NRG3: variants seen among roughly 807,000 people sequenced by gnomAD.
NRG3 encodes pro-neuregulin-3, membrane-bound isoform.
In NRG3, 31 loss-of-function variants were observed where a neutral mutation model predicts 66.9. The ratio of observed to expected loss-of-function variants is 0.46; its 90% CI spans 0.35 to 0.63. NRG3 has a LOEUF of 0.63. Ranked by LOEUF, NRG3 falls within the 20% of genes least tolerant of loss-of-function variation. The pLI is 0.00. For missense variants in NRG3, 910 were observed against 878.9 expected (o/e 1.04, Z -0.45); for synonymous variants, 393 against 359.4 (o/e 1.09, Z -1.06).
intron 1 of NRG3, among the ~76,000 whole-genome samples, chr10:81,974,758 G>A (rs2060055846): frequency 6.6e-6 from 1 of 152,072 alleles, no homozygotes; most frequent in Non-Finnish European, 1.5e-5. Context: ...CATTTGGAGG[G>A]TCAGTGGTCT....
chr10:82,926,433 A>G (rs1847006217), intron 4 of NRG3, among the ~76,000 whole-genome samples: 1 of 152,236 alleles, frequency 6.6e-6, no homozygotes, highest in African/African-American at 2.4e-5. Flanking sequence ...GAGGACTACA[A>G]GCTCCAATTA....
intron 1 of NRG3, chr10:82,232,181 T>C (rs2076510415): frequency 6.6e-6 from 1 of 152,326 alleles, no homozygotes; most frequent in African/African-American, 2.4e-5. Flanking sequence ...ACACACCTTA[T>C]ATATCATAAT....
intron 6 of NRG3, among the ~76,000 whole-genome samples, chr10:82,973,086 G>A (rs571279144): frequency 2.6e-5 from 4 of 152,292 alleles, no homozygotes; most frequent in African/African-American, 7.2e-5. Flanking sequence ...CGCCCAGTGT[G>A]CAGGGAGTGT....
At chr10:82,475,489 G>A (rs1463614490) in intron 2 of NRG3, among the ~76,000 whole-genome samples, 1 of 152,014 alleles carries the variant, frequency 6.6e-6, no homozygotes, top group Non-Finnish European at 1.5e-5. Context: ...AAAAGCCCAG[G>A]AACAGATGGC....
chr10:82,913,163 T>C (rs1228064808), intron 4 of NRG3, among the ~76,000 whole-genome samples: 2 of 152,136 alleles, frequency 1.3e-5, no homozygotes, highest in Non-Finnish European at 2.9e-5. Flanking sequence ...AGGCAGAGCT[T>C]GCAGTGAGCT....
chr10:81,876,603 A>G (rs1276313727), intron 1 of NRG3, among the ~76,000 whole-genome samples: 1 of 152,210 alleles, frequency 6.6e-6, no homozygotes, highest in Non-Finnish European at 1.5e-5. Flanking sequence ...AGCAAAGCAC[A>G]TGCAAATTGA....
chr10:82,404,112 T>C (rs1418000579), intron 2 of NRG3, among the ~76,000 whole-genome samples: 2 of 152,194 alleles, frequency 1.3e-5, no homozygotes, highest in Admixed American at 6.5e-5. Flanking sequence ...TTTAGGTTTT[T>C]ATTCTTTCCA....
chr10:82,066,426 C>A (rs902329802), intron 1 of NRG3, among the ~76,000 whole-genome samples: 1 of 152,134 alleles, frequency 6.6e-6, no homozygotes, highest in African/African-American at 2.4e-5. Flanking sequence ...GATTTGCAAT[C>A]TAGTTAAGTT....
intron 2 of NRG3, among the ~76,000 whole-genome samples, chr10:82,421,685 T>C (rs2089088269): frequency 6.6e-6 from 1 of 152,016 alleles, no homozygotes; most frequent in Non-Finnish European, 1.5e-5. Flanking sequence ...ATAGTGAGAA[T>C]GGTATTAAGA....
chr10:82,713,548 C>G (rs115087735), intron 2 of NRG3, among the ~76,000 whole-genome samples: 1 of 152,102 alleles, frequency 6.6e-6, no homozygotes, highest in Non-Finnish European at 1.5e-5. Flanking sequence ...GAGGGTTTCC[C>G]TTAAATGAGG....
chr10:82,144,669 G>A (rs1338615941), intron 1 of NRG3, among the ~76,000 whole-genome samples: 1 of 152,158 alleles, frequency 6.6e-6, no homozygotes, highest in African/African-American at 2.4e-5. Context: ...CCCAACAGAT[G>A]CACAATGTTT....
intron 1 of NRG3, among the ~76,000 whole-genome samples, chr10:82,057,031 A>G (rs2063876617): frequency 6.6e-6 from 1 of 152,082 alleles, no homozygotes; most frequent in African/African-American, 2.4e-5. Flanking sequence ...ACTCCAAATA[A>G]TCATTGTCTT....
At chr10:82,612,460 C>G (rs944726136) in intron 2 of NRG3, among the ~76,000 whole-genome samples, 7 of 151,876 alleles carry the variant, frequency 4.6e-5, no homozygotes, top group Non-Finnish European at 8.8e-5. Context: ...TTCTGGATCC[C>G]CAAAATAACA....
chr10:82,372,962 C>G (rs184472726), intron 2 of NRG3, among the ~76,000 whole-genome samples: 2 of 152,292 alleles, frequency 1.3e-5, no homozygotes, highest in Non-Finnish European at 2.9e-5. Context: ...TTAAACATAT[C>G]CACTTAAGGA....
chr10:82,397,520 A>G (rs1025577406), intron 2 of NRG3, among the ~76,000 whole-genome samples: 1 of 152,176 alleles, frequency 6.6e-6, no homozygotes, highest in African/African-American at 2.4e-5. Context: ...TCATTGTGAC[A>G]ATATTAACTC....
intron 4 of NRG3, among the ~76,000 whole-genome samples, chr10:82,941,385 C>T (rs1167898146): frequency 6.6e-6 from 1 of 152,070 alleles, no homozygotes; most frequent in Non-Finnish European, 1.5e-5. Flanking sequence ...TTTTTATCTG[C>T]AAGTTAAAAA....
intron 2 of NRG3, among the ~76,000 whole-genome samples, chr10:82,442,097 A>G (rs975118230): frequency 6.6e-6 from 1 of 152,202 alleles, no homozygotes; most frequent in Non-Finnish European, 1.5e-5. Context: ...GTGTGTTTAC[A>G]TTCACTGACC....
intron 3 of NRG3, among the ~76,000 whole-genome samples, chr10:82,773,436 G>A (rs2059789067): frequency 6.6e-6 from 1 of 152,052 alleles, no homozygotes; most frequent in Admixed American, 6.6e-5. Flanking sequence ...TGGGTCATTT[G>A]ATTTTCAGCT....
intron 2 of NRG3, among the ~76,000 whole-genome samples, chr10:82,409,563 G>A (rs2136138404): frequency 6.6e-6 from 1 of 152,270 alleles, no homozygotes; most frequent in South Asian, 2.1e-4. Flanking sequence ...TCCATTATTT[G>A]TGCTGGATGC....
Sources: gnomAD v4.1 joint callset for allele counts (sites outside exome capture counted in the v4.1 genomes callset) on GRCh38, gnomAD v4.1.1 for gene constraint, MANE v1.5 for transcripts, NCBI Gene and HGNC (gene_info 2026-07-23, HGNC 2026-07-21) for gene names.